The following IQCM variants were observed in gnomAD, a reference collection of about 807,000 sequenced individuals.
The protein encoded by IQCM is IQ motif containing M, also known as IQ domain-containing protein M.
In IQCM, 45 loss-of-function variants were observed where a neutral mutation model predicts 57.6. The ratio of observed to expected loss-of-function variants is 0.78; its 90% CI spans 0.62 to 1.00. The LOEUF is 1.00. Ranked by LOEUF, IQCM falls within the 50% of genes least tolerant of loss-of-function variation. The pLI, the probability that IQCM is intolerant of heterozygous loss-of-function variation, is 0.00. For synonymous variants in IQCM, 148 were observed against 158.9 expected (o/e 0.93, Z 0.51); for missense variants, 468 against 511.6 (o/e 0.91, Z 0.82).
chr4:149,565,473 T>C (rs1750532500), intron 9 of IQCM, among the ~76,000 whole-genome samples: 1 of 152,314 alleles, frequency 6.6e-6, no homozygotes, highest in East Asian at 1.9e-4. Context: ...TAGTTATTCT[T>C]GAAGCTTGTA....
chr4:149,592,332 AGTTCTTT>A (rs1272857485), intron 8 of IQCM, among the ~76,000 whole-genome samples: 97 of 152,102 alleles, frequency 6.4e-4, no homozygotes, highest in African/African-American at 2.1e-3. Flanking sequence ...AATTTGTTTA[AGTTCTTT>A]GTAAATTATG....
intron 12 of IQCM, among the ~76,000 whole-genome samples, chr4:149,520,329 A>T: frequency 6.6e-6 from 1 of 150,714 alleles, no homozygotes; most frequent in East Asian, 2.0e-4. Flanking sequence ...CACATGGCTG[A>T]CTCCAGACCT....
At chr4:149,672,224 A>G (rs1460463276) in intron 7 of IQCM, among the ~76,000 whole-genome samples, 6 of 152,226 alleles carry the variant, frequency 3.9e-5, no homozygotes, top group Non-Finnish European at 8.8e-5. Context: ...TTCTCCTCCA[A>G]GGAAACGCAG....
chr4:149,593,573 G>T (rs2150014710), intron 8 of IQCM, among the ~76,000 whole-genome samples: 1 of 152,184 alleles, frequency 6.6e-6, no homozygotes, highest in South Asian at 2.1e-4. Flanking sequence ...TGCCCATTCA[G>T]TATGATATTG....
At chr4:149,583,031 T>A (rs1752351348) in intron 9 of IQCM, among the ~76,000 whole-genome samples, 1 of 151,644 alleles carries the variant, frequency 6.6e-6, no homozygotes, top group Admixed American at 6.6e-5. Flanking sequence ...TACTTAGATA[T>A]GTAAGTTGAT....
At chr4:149,486,021 CTCTCTCT>C (rs1741451540) in intron 12 of IQCM, among the ~76,000 whole-genome samples, 1 of 35,518 alleles carries the variant, frequency 2.8e-5, no homozygotes, top group African/African-American at 1.5e-4. Context: ...AACAGAGTCT[CTCTCTCT>C]CTCTCTCTCT....
chr4:149,743,185 C>T (rs1323511531), intron 2 of IQCM, among the ~76,000 whole-genome samples: 1 of 152,106 alleles, frequency 6.6e-6, no homozygotes, highest in Non-Finnish European at 1.5e-5. Context: ...CAGTTAATAC[C>T]TGGCACATAC....
chr4:149,790,501 G>C (rs1772497341), intron 2 of IQCM, among the ~76,000 whole-genome samples: 1 of 152,198 alleles, frequency 6.6e-6, no homozygotes, highest in Admixed American at 6.5e-5. Context: ...GGATGTGGAT[G>C]TTTGCTACCT....
At chr4:149,390,024 T>C (rs1265703543) in intron 13 of IQCM, among the ~76,000 whole-genome samples, 1 of 152,042 alleles carries the variant, frequency 6.6e-6, no homozygotes, top group Non-Finnish European at 1.5e-5. Flanking sequence ...AGATTTTATA[T>C]GGATTGCATT....
chr4:149,472,580 CA>C (rs1462262648), intron 12 of IQCM, among the ~76,000 whole-genome samples: 9 of 152,288 alleles, frequency 5.9e-5, no homozygotes, highest in Non-Finnish European at 1.3e-4. Flanking sequence ...CCATCTCCAT[CA>C]AGCTACCAAT....
chr4:149,762,573 A>C (rs1477227853), intron 2 of IQCM, among the ~76,000 whole-genome samples: 1 of 152,096 alleles, frequency 6.6e-6, no homozygotes, highest in Non-Finnish European at 1.5e-5. Context: ...TCTATATTAA[A>C]AAGGCATTGT....
At chr4:149,712,746 T>C (rs533157082) in intron 5 of IQCM, among the ~76,000 whole-genome samples, 1 of 152,312 alleles carries the variant, frequency 6.6e-6, no homozygotes, top group Admixed American at 6.5e-5. Context: ...AATAAGAATA[T>C]TGAATTCTGC....
intron 12 of IQCM, among the ~76,000 whole-genome samples, chr4:149,451,854 G>A (rs1737155308): frequency 6.6e-6 from 1 of 151,530 alleles, no homozygotes; most frequent in Non-Finnish European, 1.5e-5. Context: ...CACCATAGTG[G>A]TGATTCCACC....
intron 9 of IQCM, among the ~76,000 whole-genome samples, chr4:149,565,553 T>A (rs750422127): frequency 1.3e-5 from 2 of 152,170 alleles, no homozygotes; most frequent in African/African-American, 2.4e-5. Context: ...GAACACTAGT[T>A]TGAATATCAT....
intron 8 of IQCM, among the ~76,000 whole-genome samples, chr4:149,618,879 G>A (rs138347462): frequency 5.3e-5 from 8 of 152,128 alleles, no homozygotes; most frequent in African/African-American, 1.4e-4. Flanking sequence ...TACAGTTAGT[G>A]GAAATATAAG....
chr4:149,802,506 C>T (rs1020035550), intron 2 of IQCM, among the ~76,000 whole-genome samples: 2 of 152,046 alleles, frequency 1.3e-5, no homozygotes, highest in South Asian at 2.1e-4. Context: ...GAATTCCTGT[C>T]AAACAACTTG....
At chr4:149,668,830 G>A (rs548572765) in intron 7 of IQCM, among the ~76,000 whole-genome samples, 1 of 152,032 alleles carries the variant, frequency 6.6e-6, no homozygotes, top group East Asian at 1.9e-4. Context: ...CTAAAAGTTG[G>A]CTTTTAAAAG....
At chr4:149,702,061 T>C (rs1282330760) in intron 5 of IQCM, among the ~76,000 whole-genome samples, 1 of 151,976 alleles carries the variant, frequency 6.6e-6, no homozygotes, top group Non-Finnish European at 1.5e-5. Flanking sequence ...AATTTTTATG[T>C]ATGTATCTCA....
intron 5 of IQCM, among the ~76,000 whole-genome samples, chr4:149,707,261 T>C (rs2149823796): frequency 6.6e-6 from 1 of 152,198 alleles, no homozygotes; most frequent in Non-Finnish European, 1.5e-5. Flanking sequence ...GATTTTAGCT[T>C]CTTATTCAAA....
Sources: gnomAD v4.1 joint callset for allele counts (sites outside exome capture counted in the v4.1 genomes callset) on GRCh38, gnomAD v4.1.1 for gene constraint, MANE v1.5 for transcripts, NCBI Gene and HGNC (gene_info 2026-07-23, HGNC 2026-07-21) for gene names.